Variants in CA10 observed in about 807,000 individuals in gnomAD.
The protein encoded by CA10 is carbonic anhydrase 10 (inactive).
CA10 carries 14 observed loss-of-function variants against 44.2 expected under a neutral mutation model. The observed-to-expected ratio is 0.32, with a 90% confidence interval of 0.21 to 0.50. CA10 has a LOEUF of 0.50. Among genes scored for constraint, CA10 ranks in the 20% least tolerant of loss-of-function variants. CA10 has a pLI of 0.99. For synonymous variants in CA10, 159 were observed against 141.6 expected, an observed-to-expected ratio of 1.12 and a Z score of -0.87; for missense variants, 350 against 409.7, an observed-to-expected ratio of 0.85 and a Z score of 1.26.
chr17:51,641,266 C>G (rs1913076638), intron 6 of CA10, among the ~76,000 whole-genome samples: 1 of 151,942 alleles, frequency 6.6e-6, no homozygotes, highest in Non-Finnish European at 1.5e-5. Context: ...AGTCTTAATT[C>G]AAGTCTGAGT....
chr17:51,632,372 G>A (rs866067634), intron 8 of CA10, among the ~76,000 whole-genome samples: 10 of 152,270 alleles, frequency 6.6e-5, no homozygotes, highest in East Asian at 3.9e-4. Flanking sequence ...TGGTAGTTCC[G>A]GCTGGAAGGG....
At chr17:51,898,398 A>C (rs1438541771) in intron 3 of CA10, among the ~76,000 whole-genome samples, 1 of 152,090 alleles carries the variant, frequency 6.6e-6, no homozygotes, top group African/African-American at 2.4e-5. Context: ...CCAGGGGTAA[A>C]ACCTACTTTA....
intron 2 of CA10, among the ~76,000 whole-genome samples, chr17:52,014,102 AAAT>A (rs1442066757): frequency 1.3e-5 from 2 of 151,730 alleles, no homozygotes; most frequent in East Asian, 1.9e-4. Context: ...TCCATATTAA[AAAT>A]AATATCAGGT....
At chr17:51,697,314 A>G (rs1342436910) in intron 4 of CA10, among the ~76,000 whole-genome samples, 1 of 152,210 alleles carries the variant, frequency 6.6e-6, no homozygotes, top group African/African-American at 2.4e-5. Flanking sequence ...CTCCCCCTAC[A>G]GCACATTTCT....
chr17:51,655,717 C>T (rs571957735), intron 4 of CA10, among the ~76,000 whole-genome samples: 89 of 152,230 alleles, frequency 5.8e-4, no homozygotes, highest in Non-Finnish European at 1.0e-3. Context: ...ATTAATATCC[C>T]ATCAATGCCT....
chr17:52,053,410 AAAC>A (rs1476660547), intron 2 of CA10, among the ~76,000 whole-genome samples: 3 of 152,130 alleles, frequency 2.0e-5, no homozygotes, highest in Admixed American at 1.3e-4. Context: ...GTAACATAAA[AAAC>A]AAAAGAAAAC....
chr17:51,649,972 TCCAGCCAGCCAGTCAG>T (rs1404940409), intron 5 of CA10, among the ~76,000 whole-genome samples: 27 of 119,532 alleles, frequency 2.3e-4, no homozygotes, highest in African/African-American at 6.7e-4. Context: ...CATCCATCCA[TCCAGCCAGCCAGTCAG>T]CCAGCCAGCC....
At chr17:52,120,100 A>T (rs1369983453) in intron 1 of CA10, among the ~76,000 whole-genome samples, 1 of 152,204 alleles carries the variant, frequency 6.6e-6, no homozygotes, top group Non-Finnish European at 1.5e-5. Flanking sequence ...AGCCCCATGC[A>T]CCCAAATCTT....
At chr17:51,681,093 G>C (rs1387235200) in intron 4 of CA10, among the ~76,000 whole-genome samples, 1 of 152,226 alleles carries the variant, frequency 6.6e-6, no homozygotes, top group Admixed American at 6.5e-5. Flanking sequence ...ACAGTGGTTA[G>C]GTGGCTAGCT....
intron 3 of CA10, among the ~76,000 whole-genome samples, chr17:51,916,487 T>A (rs1175005208): frequency 6.6e-6 from 1 of 152,172 alleles, no homozygotes; most frequent in East Asian, 1.9e-4. Flanking sequence ...TCCCATGGTA[T>A]TCTTGTGAGA....
rs1912552246 is a variant in CA10, at chr17:51,631,138, T to C, written c.*446A>G. 5.8e-6 allele frequency: 1 copy of C among 171,270 alleles called. No homozygotes were observed. The highest frequency in any genetic ancestry group is 2.4e-5 in the African/African-American group (1 of 41,700). 10.6% of individuals were successfully genotyped at this position (171,270 alleles called of 1,614,324 possible). ...TCCGTTTGATGCCATCAGAGCTGTA[T>C]TTTCTCCTCTCTCTTTTGGAAGAAT... is the stretch of plus-strand genomic sequence containing the variant. On this transcript the variant is annotated 3_prime_UTR_variant, in exon 9 of 9. Coordinates refer to ENST00000451037, the MANE Select transcript of CA10 (RefSeq NM_020178.5).
chr17:51,901,948 A>G (rs1470538404), intron 3 of CA10, among the ~76,000 whole-genome samples: 1 of 152,176 alleles, frequency 6.6e-6, no homozygotes, highest in Non-Finnish European at 1.5e-5. Flanking sequence ...AGAAAATTTT[A>G]TCTTTTATAA....
intron 4 of CA10, among the ~76,000 whole-genome samples, chr17:51,731,838 G>A (rs754582418): frequency 3.3e-5 from 5 of 151,708 alleles, no homozygotes; most frequent in African/African-American, 4.8e-5. Flanking sequence ...CCACCACACC[G>A]GGCTAATTGT....
intron 1 of CA10, among the ~76,000 whole-genome samples, chr17:52,143,227 T>C (rs181157573): frequency 1.3e-5 from 2 of 152,298 alleles, no homozygotes; most frequent in Admixed American, 1.3e-4. Context: ...TATTTTCACA[T>C]TATTTGGGCT....
At chr17:52,152,090 C>T (rs1315212714) in intron 1 of CA10, among the ~76,000 whole-genome samples, 3 of 152,032 alleles carry the variant, frequency 2.0e-5, no homozygotes, top group African/African-American at 4.8e-5. Context: ...GACCCTACCT[C>T]CAGCCCCCTC....
At chr17:51,651,855 G>C (rs1412224014) in intron 5 of CA10, among the ~76,000 whole-genome samples, 1 of 152,164 alleles carries the variant, frequency 6.6e-6, no homozygotes, top group Non-Finnish European at 1.5e-5. Context: ...AAGTCATAGG[G>C]GGAAGTGAGC....
At chr17:51,745,242 A>G (rs1380690723) in intron 4 of CA10, among the ~76,000 whole-genome samples, 4 of 152,140 alleles carry the variant, frequency 2.6e-5, no homozygotes, top group Admixed American at 2.6e-4. Context: ...AGTTTCACCT[A>G]AAATTGTCAC....
intron 1 of CA10, among the ~76,000 whole-genome samples, chr17:52,109,384 C>A (rs985410573): frequency 1.3e-5 from 2 of 152,052 alleles, no homozygotes; most frequent in Admixed American, 6.5e-5. Flanking sequence ...AGGGGAAAAC[C>A]AAAGCAATAG....
chr17:51,690,413 TCA>T, intron 4 of CA10, among the ~76,000 whole-genome samples: 1 of 152,218 alleles, frequency 6.6e-6, no homozygotes, highest in African/African-American at 2.4e-5. Flanking sequence ...ATTCTTCTCT[TCA>T]CTTCTATGAG....
Sources: gnomAD v4.1 joint callset for allele counts (sites outside exome capture counted in the v4.1 genomes callset) on GRCh38, gnomAD v4.1.1 for gene constraint, MANE v1.5 for transcripts, NCBI Gene and HGNC (gene_info 2026-07-23, HGNC 2026-07-21) for gene names.